HIVEP3: variants seen among roughly 807,000 people sequenced by gnomAD.
HIVEP3 encodes the protein transcription factor HIVEP3.
HIVEP3 carries 49 observed loss-of-function variants against 152.8 expected under a neutral mutation model. The ratio of observed to expected loss-of-function variants is 0.32; its 90% CI spans 0.26 to 0.41. The LOEUF (loss-of-function observed/expected upper bound fraction) is 0.41, where lower values mean the gene tolerates loss of function less well. Ranked by LOEUF, HIVEP3 falls within the 10% of genes least tolerant of loss-of-function variation. The pLI, the probability that HIVEP3 is intolerant of heterozygous loss-of-function variation, is 1.00. For synonymous variants in HIVEP3, 1,269 were observed against 1,289.0 expected, an observed-to-expected ratio of 0.98 and a Z score of 0.33; for missense variants, 2,790 against 3,103.3, an observed-to-expected ratio of 0.90 and a Z score of 2.40.
At chr1:41,614,291 C>CG (rs780800483) in intron 3 of HIVEP3, among the ~76,000 whole-genome samples, 2 of 152,204 alleles carry the variant, frequency 1.3e-5, no homozygotes, top group Non-Finnish European at 2.9e-5. Flanking sequence ...GGGCCACCAG[C>CG]CCTGAGTCTA....
intron 3 of HIVEP3, among the ~76,000 whole-genome samples, chr1:41,611,341 C>T (rs535064440): frequency 6.6e-6 from 1 of 152,268 alleles, no homozygotes; most frequent in East Asian, 1.9e-4. Flanking sequence ...AGGCAAATTC[C>T]ATCTCGTAAC....
At chr1:41,830,687 C>A (rs1642934021) in intron 1 of HIVEP3, among the ~76,000 whole-genome samples, 1 of 152,254 alleles carries the variant, frequency 6.6e-6, no homozygotes, top group Non-Finnish European at 1.5e-5. Context: ...AACTCTGTAG[C>A]ATGGACTCAG....
chr1:41,627,084 C>T (rs1443357936), intron 3 of HIVEP3, among the ~76,000 whole-genome samples: 2 of 152,220 alleles, frequency 1.3e-5, no homozygotes, highest in Non-Finnish European at 2.9e-5. Context: ...TCAGCCTGAC[C>T]TCAGGGACAC....
intron 5 of HIVEP3, among the ~76,000 whole-genome samples, chr1:41,536,975 C>T (rs1643417130): frequency 6.6e-6 from 1 of 152,180 alleles, no homozygotes. Flanking sequence ...TTTTAAAAAA[C>T]ACTGTGTAAG....
At chr1:41,694,005 C>T (rs1451526496) in intron 2 of HIVEP3, among the ~76,000 whole-genome samples, 1 of 152,160 alleles carries the variant, frequency 6.6e-6, no homozygotes, top group East Asian at 1.9e-4. Flanking sequence ...TATTTCTGTA[C>T]CAACACTGAT....
chr1:41,513,965 G>A (rs111905418), intron 7 of HIVEP3, among the ~76,000 whole-genome samples: 5 of 152,226 alleles, frequency 3.3e-5, no homozygotes, highest in African/African-American at 9.6e-5. Context: ...CCTAGAATGT[G>A]CAATGTTCAG....
At chr1:41,831,880 C>A (rs951552274) in intron 1 of HIVEP3, among the ~76,000 whole-genome samples, 2 of 152,078 alleles carry the variant, frequency 1.3e-5, no homozygotes, top group Non-Finnish European at 2.9e-5. Flanking sequence ...GACTCTTAAC[C>A]CCACCTTGGA....
chr1:41,815,743 C>T (rs909944384), intron 1 of HIVEP3, among the ~76,000 whole-genome samples: 5 of 137,384 alleles, frequency 3.6e-5, no homozygotes, highest in South Asian at 2.8e-4. Flanking sequence ...GGAATCGATG[C>T]TTTTTTATTG....
intron 1 of HIVEP3, among the ~76,000 whole-genome samples, chr1:42,023,025 GATTT>G (rs756689154): frequency 6.6e-6 from 1 of 151,794 alleles, no homozygotes; most frequent in Non-Finnish European, 1.5e-5. Flanking sequence ...TCTCAGCTTT[GATTT>G]ATTTTTATTT....
At chr1:41,748,294 G>A (rs1036742766) in intron 1 of HIVEP3, among the ~76,000 whole-genome samples, 1 of 152,198 alleles carries the variant, frequency 6.6e-6, no homozygotes, top group Non-Finnish European at 1.5e-5. Context: ...CAGCTTCAGG[G>A]AGAGTAAATG....
At chr1:41,982,628 G>A (rs967383582) in intron 1 of HIVEP3, among the ~76,000 whole-genome samples, 1 of 152,066 alleles carries the variant, frequency 6.6e-6, no homozygotes, top group African/African-American at 2.4e-5. Context: ...TCAGCCTGGG[G>A]GAATTAACAA....
chr1:41,694,162 T>C (rs35842961), intron 2 of HIVEP3, among the ~76,000 whole-genome samples: 2,985 of 152,354 alleles, frequency 0.02, 58 homozygotes, highest in Non-Finnish European at 0.026. Flanking sequence ...CATAATTTTA[T>C]GCTTTTATTT....
chr1:41,850,398 T>C (rs1421337918), intron 1 of HIVEP3, among the ~76,000 whole-genome samples: 1 of 152,234 alleles, frequency 6.6e-6, no homozygotes, highest in Non-Finnish European at 1.5e-5. Flanking sequence ...TTAGGGTTCA[T>C]ATAATCTAAC....
At position 41,510,188 on chromosome 1, in the gene HIVEP3, A is replaced by G. The variant is rs776990770; in HGVS notation, c.*263T>C. On this transcript the variant is annotated 3_prime_UTR_variant, in exon 9 of 9. Coordinates refer to ENST00000372583, the MANE Select transcript of HIVEP3 (RefSeq NM_024503.5). ...CAGCCTTTCCCCAAAACCATAAACT[A>G]TTCACAGCCTCAGACTCCTCGTGGG... The G allele has an allele frequency of 9.2e-6, 3 of 326,706 alleles. No individual in the cohort carries two copies. The highest frequency in any genetic ancestry group is 1.6e-5 in the Non-Finnish European group (3 of 182,118). 20.2% of individuals were successfully genotyped at this position (326,706 alleles called of 1,614,324 possible).
At chr1:42,011,757 C>T (rs746166722) in intron 1 of HIVEP3, among the ~76,000 whole-genome samples, 3 of 152,338 alleles carry the variant, frequency 2.0e-5, no homozygotes, top group South Asian at 2.1e-4. Context: ...GAGCTCCTTT[C>T]GGTTCACTGA....
chr1:41,863,651 T>C (rs139897660), intron 1 of HIVEP3, among the ~76,000 whole-genome samples: 2,487 of 152,336 alleles, frequency 0.016, 38 homozygotes, highest in Non-Finnish European at 0.021. Flanking sequence ...GGGCAGCACA[T>C]GTGCATGAGT....
chr1:41,633,386 C>A (rs990106081), intron 2 of HIVEP3, among the ~76,000 whole-genome samples: 3 of 152,184 alleles, frequency 2.0e-5, no homozygotes, highest in Non-Finnish European at 2.9e-5. Flanking sequence ...CCAGGACTTG[C>A]TCAGAGCTCC....
chr1:41,888,977 C>T (rs950936375), intron 1 of HIVEP3, among the ~76,000 whole-genome samples: 5 of 140,392 alleles, frequency 3.6e-5, no homozygotes, highest in Non-Finnish European at 7.5e-5. Context: ...ACACAAAGAC[C>T]ACACATGCCA....
chr1:41,651,040 C>G (rs1645540435), intron 2 of HIVEP3, among the ~76,000 whole-genome samples: 1 of 152,058 alleles, frequency 6.6e-6, no homozygotes, highest in South Asian at 2.1e-4. Context: ...ATTGCTGGAC[C>G]AAAGTGGGTA....
Sources: allele counts gnomAD v4.1 joint callset (sites outside exome capture counted in the v4.1 genomes callset), GRCh38; gene constraint gnomAD v4.1.1; transcripts MANE v1.5; gene names NCBI Gene and HGNC (gene_info 2026-07-23, HGNC 2026-07-21).